Variants in VPS53 observed in about 807,000 individuals in gnomAD.
VPS53 encodes vacuolar protein sorting-associated protein 53 homolog.
VPS53 carries 70 observed loss-of-function variants against 107.0 expected under a neutral mutation model. That is an observed-to-expected ratio of 0.65 (90% confidence interval 0.54 to 0.80). The LOEUF is 0.80. VPS53 is among the 30% of genes least tolerant of loss of function. The pLI is 0.00. For synonymous variants in VPS53, 409 were observed against 393.3 expected (o/e 1.04, Z -0.47); for missense variants, 917 against 1,049.4 (o/e 0.87, Z 1.74).
intron 13 of VPS53, among the ~76,000 whole-genome samples, chr17:582,773 C>T (rs761336035): frequency 1.3e-5 from 2 of 150,130 alleles, no homozygotes; most frequent in African/African-American, 4.9e-5. Flanking sequence ...GAACCTAATG[C>T]GTTTCCAGAG....
intron 7 of VPS53, among the ~76,000 whole-genome samples, chr17:651,900 T>C (rs1277216941): frequency 1.3e-5 from 2 of 152,154 alleles, no homozygotes; most frequent in East Asian, 1.9e-4. Flanking sequence ...TCCTTTCCAC[T>C]GGATCTGAAT....
intron 3 of VPS53, among the ~76,000 whole-genome samples, chr17:698,237 A>G (rs1973054193): frequency 6.6e-6 from 1 of 152,186 alleles, no homozygotes; most frequent in African/African-American, 2.4e-5. Flanking sequence ...GTTCAAGACC[A>G]GCCTGGCCAA....
At chr17:565,352 G>A (rs3786058) in intron 13 of VPS53, among the ~76,000 whole-genome samples, 31,098 of 141,706 alleles carry the variant, frequency 0.22, 3,927 homozygotes, top group Non-Finnish European at 0.29. Context: ...GCAGTGAGCC[G>A]AGATCGTACC....
At chr17:628,448 C>T (rs945392475) in intron 8 of VPS53, among the ~76,000 whole-genome samples, 3 of 152,204 alleles carry the variant, frequency 2.0e-5, no homozygotes, top group Admixed American at 6.5e-5. Context: ...AAAAACTACC[C>T]TGTGAATCTG....
At chr17:526,080 G>GT (rs1414943875) in intron 19 of VPS53, among the ~76,000 whole-genome samples, 6 of 146,872 alleles carry the variant, frequency 4.1e-5, no homozygotes, top group Non-Finnish European at 7.5e-5. Context: ...GTTAGTTACT[G>GT]TTTTTTACAT....
intron 4 of VPS53, among the ~76,000 whole-genome samples, chr17:664,748 A>G (rs1971607866): frequency 6.6e-6 from 1 of 152,212 alleles, no homozygotes; most frequent in Admixed American, 6.5e-5. Flanking sequence ...GTGGAGGCCT[A>G]GAAGAGGCAG....
At chr17:586,236 TG>T (rs747118272) in intron 13 of VPS53, 33 bp downstream of exon 13, 1 of 1,600,526 alleles carries the variant, frequency 6.2e-7, no homozygotes, top group East Asian at 2.2e-5. Flanking sequence ...CGGCGAGAAA[TG>T]CAGGCAGAAA....
In VPS53 at chr17:509,883, A is replaced by G. The variant is rs1289877643; in HGVS notation, c.*9245T>C. On this transcript the variant is annotated 3_prime_UTR_variant, in exon 22 of 22. Coordinates refer to ENST00000437048, the MANE Select transcript of VPS53 (RefSeq NM_001128159.3). The stretch of plus-strand genomic sequence containing the variant: ...ATCCTGACTGGCTCCACCCCTCACC[A>G]GTCACATATCAAATCCTGGCTCGCC... 1.9e-5 allele frequency: 3 copies of G among 159,996 alleles called. No homozygotes were observed. Among genetic ancestry groups the G allele is most frequent in the Non-Finnish European group, 1.3e-5 (1 of 75,412 alleles). 9.9% of individuals were successfully genotyped at this position (159,996 alleles called of 1,614,324 possible).
At chr17:552,084 AG>A (rs1415880725) in intron 16 of VPS53, 134 bp from the exon 17 acceptor site, 1 of 761,612 alleles carries the variant, frequency 1.3e-6, no homozygotes, top group East Asian at 3.2e-5. Context: ...ATGACAGCGG[AG>A]GAACAGCTTG....
intron 17 of VPS53, among the ~76,000 whole-genome samples, chr17:546,679 C>T (rs7209168): frequency 0.18 from 27,660 of 151,928 alleles, 2,636 homozygotes; most frequent in Admixed American, 0.27. Flanking sequence ...TTCACACCCA[C>T]GAAAATGGCT....
At chr17:623,788 A>G in intron 10 of VPS53, 114 bp from the exon 11 acceptor site, 2 of 1,195,616 alleles carry the variant, frequency 1.7e-6, no homozygotes, top group Non-Finnish European at 2.3e-6. Flanking sequence ...TGGTCATTTC[A>G]AACCCTGAGG....
At chr17:567,014 G>A (rs984382560) in intron 13 of VPS53, among the ~76,000 whole-genome samples, 2 of 152,098 alleles carry the variant, frequency 1.3e-5, no homozygotes, top group South Asian at 2.1e-4. Flanking sequence ...CAAAGTGCTG[G>A]GATTACAGGC....
At chr17:577,643 T>G (rs1453247106) in intron 13 of VPS53, among the ~76,000 whole-genome samples, 1 of 151,482 alleles carries the variant, frequency 6.6e-6, no homozygotes, top group Non-Finnish European at 1.5e-5. Context: ...AGAATCTCCC[T>G]CACAAAGTAA....
At chr17:551,998 T>G in intron 16 of VPS53, 48 bp from the exon 17 acceptor site, 6 of 1,486,530 alleles carry the variant, frequency 4.0e-6, no homozygotes, top group Non-Finnish European at 5.5e-6. Flanking sequence ...ACAACGGCCG[T>G]CTGAATGACT....
intron 15 of VPS53, among the ~76,000 whole-genome samples, chr17:559,973 T>G (rs1018010115): frequency 1.3e-5 from 2 of 152,214 alleles, no homozygotes; most frequent in African/African-American, 4.8e-5. Context: ...TTGAGGCAGA[T>G]TGAAAATGCC....
In VPS53 at chr17:699,612, C is replaced by T. The variant is rs554858892; in HGVS notation, c.169-232G>A. On this transcript the variant is annotated intron_variant, in intron 2 of 21. Transcript: ENST00000437048. Reference sequence around the variant, plus strand: ...AGTTTCACTGGAACACAGCCATGCCCGTTCACTTACATATTGCCTGCGGCT... The same window carrying T: ...AGTTTCACTGGAACACAGCCATGCCTGTTCACTTACATATTGCCTGCGGCT... Among the ~76,000 whole-genome samples the T allele has an allele frequency of 1.3e-4, 20 of 152,170 alleles. No homozygotes were observed. In the South Asian group the frequency reaches 3.5e-3, roughly 27 times the overall value.
intron 2 of VPS53, among the ~76,000 whole-genome samples, chr17:704,241 G>C (rs534469781): frequency 6.6e-6 from 1 of 152,184 alleles, no homozygotes; most frequent in Non-Finnish European, 1.5e-5. Context: ...CAGGCACTCT[G>C]CTGCATGGAA....
chr17:653,154 C>G (rs1023481259), intron 7 of VPS53, 137 bp downstream of exon 7: 3 of 1,562,838 alleles, frequency 1.9e-6, no homozygotes, highest in Non-Finnish European at 2.6e-6. Context: ...TACTTTCCCT[C>G]CGGTGACAGT....
At chr17:625,456 C>A (rs1157385800) in intron 10 of VPS53, among the ~76,000 whole-genome samples, 3 of 145,438 alleles carry the variant, frequency 2.1e-5, no homozygotes, top group Admixed American at 7.0e-5. Flanking sequence ...CTGGGCAACA[C>A]TGCGAGACCC....
Sources: gnomAD v4.1 joint callset for allele counts (sites outside exome capture counted in the v4.1 genomes callset) on GRCh38, gnomAD v4.1.1 for gene constraint, MANE v1.5 for transcripts, NCBI Gene and HGNC (gene_info 2026-07-23, HGNC 2026-07-21) for gene names.